The following DNMT3B variants were observed in gnomAD, a reference collection of about 807,000 sequenced individuals.
DNMT3B encodes DNA methyltransferase 3 beta.
In DNMT3B, 37 loss-of-function variants were observed where a neutral mutation model predicts 120.2. The observed-to-expected ratio is 0.31, with a 90% CI of 0.24 to 0.40. The LOEUF is 0.40. Among genes scored for constraint, DNMT3B ranks in the 10% least tolerant of loss-of-function variants. The pLI is 1.00. For missense variants in DNMT3B, 878 were observed against 1,137.3 expected (o/e 0.77, Z 3.28); for synonymous variants, 412 against 442.8 (o/e 0.93, Z 0.87).
chr20:32,775,013 C>T (rs1393818034), intron 1 of DNMT3B, among the ~76,000 whole-genome samples: 5 of 151,956 alleles, frequency 3.3e-5, no homozygotes, highest in East Asian at 1.9e-4. Context: ...TGAGCCACCG[C>T]GCCTGGCCTA....
chr20:32,781,486 A>G, intron 3 of DNMT3B, 72 bp downstream of exon 3: 1 of 1,533,502 alleles, frequency 6.5e-7, no homozygotes, highest in South Asian at 1.1e-5. Flanking sequence ...GGGCTGCCTG[A>G]GGCCCATAAA....
At chr20:32,791,773 A>G in intron 8 of DNMT3B, 65 bp downstream of exon 8, 1 of 1,575,878 alleles carries the variant, frequency 6.3e-7, no homozygotes. Flanking sequence ...AGACCCACAG[A>G]AACCTAGCTC....
intron 3 of DNMT3B, 116 bp from the exon 4 acceptor site, chr20:32,784,642 G>T: frequency 1.8e-6 from 2 of 1,104,076 alleles, no homozygotes; most frequent in South Asian, 2.7e-5. Flanking sequence ...TGTGATGAGT[G>T]ACCCGGTCTC....
At chr20:32,784,336 A>G (rs2145929114) in intron 3 of DNMT3B, among the ~76,000 whole-genome samples, 1 of 152,278 alleles carries the variant, frequency 6.6e-6, no homozygotes, top group South Asian at 2.1e-4. Context: ...CACCCTGCAT[A>G]TTATTTGATT....
intron 3 of DNMT3B, among the ~76,000 whole-genome samples, chr20:32,783,177 C>T (rs1032954493): frequency 1.3e-5 from 2 of 152,020 alleles, no homozygotes; most frequent in Non-Finnish European, 2.9e-5. Flanking sequence ...GCCACCTGTC[C>T]CGGCCTCCCA....
intron 1 of DNMT3B, among the ~76,000 whole-genome samples, chr20:32,778,678 C>A (rs1036215590): frequency 6.6e-6 from 1 of 152,212 alleles, no homozygotes; most frequent in East Asian, 1.9e-4. Context: ...CAGCTTGGAG[C>A]CCGCAATACA....
chr20:32,763,024 C>A (rs77590300), intron 1 of DNMT3B, among the ~76,000 whole-genome samples: 4,444 of 152,132 alleles, frequency 0.029, 204 homozygotes, highest in African/African-American at 0.1. Flanking sequence ...GAGGGGGACG[C>A]GCTGGCTTCC....
Position 32,798,627 on chromosome 20 carries a change from A to G in DNMT3B, c.1658A>G (p.Asp553Gly). 1 of 1,613,988 alleles carries G rather than the reference A, an allele frequency of 6.2e-7. No individual in the cohort carries two copies. Among genetic ancestry groups the G allele is most frequent in the Non-Finnish European group, 8.5e-7 (1 of 1,180,040 alleles). Residue 553 changes from aspartate (D) to glycine (G), a missense_variant, in exon 15 of 23, where the codon GAC becomes GGC. By Grantham distance (94) the Asp-to-Gly change is moderately conservative. Around this residue, in one of 4 missense-constraint regions of DNMT3B, gnomAD observed 334 missense variants for 518.8 expected, o/e 0.64. Coordinates refer to ENST00000328111, the MANE Select transcript of DNMT3B (RefSeq NM_006892.4). ...CGCCTGCAGGCCTTCTTCACCAGTG[A>G]CACGGGGCTTGAATATGTAAGCCAC... ...NVRLQAFFTSDTGLEYEAPKL... is the reference protein window; with the variant it reads ...NVRLQAFFTSGTGLEYEAPKL...
chr20:32,799,324 G>C lies in DNMT3B; in HGVS notation c.1755G>C (p.Ala585=), dbSNP rs370222907. The change falls in exon 16 of 23, where the codon GCG becomes GCC. Residue 585 remains alanine, a synonymous_variant. Coordinates refer to ENST00000328111, the MANE Select transcript of DNMT3B (RefSeq NM_006892.4). ...TCCTGTCATTGTTTGATGGCATCGC[G>C]ACAGGTGAGTTCGGGGAACACCTGG... ...IRVLSLFDGI[A]TGYLVLKELG... 3 of 1,612,382 alleles carry C rather than the reference G, an allele frequency of 1.9e-6. No homozygotes were observed. Among genetic ancestry groups the C allele is most frequent in the Non-Finnish European group, 2.5e-6 (3 of 1,179,422 alleles).
intron 10 of DNMT3B, among the ~76,000 whole-genome samples, chr20:32,794,237 TG>T (rs1279547083): frequency 6.8e-6 from 1 of 147,156 alleles, no homozygotes; most frequent in Non-Finnish European, 1.5e-5. Context: ...TGTGTGCCTG[TG>T]GAGGCTGAGG....
intron 1 of DNMT3B, among the ~76,000 whole-genome samples, chr20:32,768,876 A>G (rs1372611353): frequency 6.6e-6 from 1 of 152,174 alleles, no homozygotes; most frequent in Non-Finnish European, 1.5e-5. Context: ...CGACAATGGC[A>G]CTGGAGGAAG....
intron 1 of DNMT3B, among the ~76,000 whole-genome samples, chr20:32,766,635 C>T (rs1987385096): frequency 6.6e-6 from 1 of 152,088 alleles, no homozygotes; most frequent in African/African-American, 2.4e-5. Context: ...CTCTGTTGCC[C>T]AGGTTGGAGC....
At position 32,806,335 on chromosome 20, in the gene DNMT3B, A is replaced by G. The variant is rs1194748974; in HGVS notation, c.2420+8A>G. ...GTGCACTGAGCTCGAAAGGTGAGCA[A>G]GGCTGCACTTGGAGAGGGAAACTGT... On this transcript the variant is annotated splice_region_variant and intron_variant, in intron 22 of 22. Coordinates refer to ENST00000328111, the MANE Select transcript of DNMT3B (RefSeq NM_006892.4). 6.2e-7 allele frequency: 1 copy of G among 1,613,446 alleles called. No individual in the cohort carries two copies. Among genetic ancestry groups the G allele is most frequent in the Admixed American group, 1.7e-5 (1 of 60,026 alleles).
intron 18 of DNMT3B, 114 bp downstream of exon 18, chr20:32,801,039 C>T (rs1981274573): frequency 2.2e-6 from 3 of 1,358,902 alleles, no homozygotes; most frequent in South Asian, 2.3e-5. Context: ...CTGGCAGCAT[C>T]AGGGGCCTGT....
At chr20:32,793,267 G>A (rs1240043061) in intron 9 of DNMT3B, among the ~76,000 whole-genome samples, 2 of 152,160 alleles carry the variant, frequency 1.3e-5, no homozygotes, top group East Asian at 3.8e-4. Context: ...GCTGAGGCGA[G>A]TGGATCACTT....
chr20:32,780,885 C>T (rs1197723421), intron 2 of DNMT3B, among the ~76,000 whole-genome samples: 1 of 152,208 alleles, frequency 6.6e-6, no homozygotes. Context: ...GGATCCCGCC[C>T]CAGCTGGGTT....
chr20:32,802,596 CA>C, intron 20 of DNMT3B, 126 bp downstream of exon 20: 1 of 989,872 alleles, frequency 1.0e-6, no homozygotes, highest in Non-Finnish European at 1.6e-6. Context: ...GATTTCAGAC[CA>C]CCTGTGGTCG....
At chr20:32,784,616 C>G (rs1265686422) in intron 3 of DNMT3B, 142 bp from the exon 4 acceptor site, 2 of 859,348 alleles carry the variant, frequency 2.3e-6, no homozygotes, top group African/African-American at 3.3e-5. Context: ...TGTGTCTGCA[C>G]CCATATGCAG....
At chr20:32,773,934 GTTTTTTTT>G (rs1161730284) in intron 1 of DNMT3B, among the ~76,000 whole-genome samples, 9 of 69,152 alleles carry the variant, frequency 1.3e-4, no homozygotes, top group East Asian at 5.2e-4. Context: ...CCCGGCAGTG[GTTTTTTTT>G]TTTTTTTTTT....
Sources: allele counts gnomAD v4.1 joint callset (sites outside exome capture counted in the v4.1 genomes callset), GRCh38; gene constraint gnomAD v4.1.1; regional missense constraint gnomAD v4.1.1; transcripts MANE v1.5; gene names NCBI Gene and HGNC (gene_info 2026-07-23, HGNC 2026-07-21).